CDH6: variants seen among roughly 807,000 people sequenced by gnomAD.
CDH6 encodes cadherin 6, also known as cadherin-6.
A neutral mutation model predicts 78.0 loss-of-function variants in CDH6; 31 were observed. That is an observed-to-expected ratio of 0.40 (90% CI 0.30 to 0.54). The LOEUF (loss-of-function observed/expected upper bound fraction) is 0.54. Among genes scored for constraint, CDH6 ranks in the 20% least tolerant of loss-of-function variants. The pLI is 0.56. For synonymous variants in CDH6, 376 were observed against 368.8 expected (o/e 1.02, Z -0.23); for missense variants, 724 against 975.9 (o/e 0.74, Z 3.44).
At chr5:31,269,290 G>A (rs1037802426) in intron 2 of CDH6, among the ~76,000 whole-genome samples, 1 of 151,420 alleles carries the variant, frequency 6.6e-6, no homozygotes, top group Non-Finnish European at 1.5e-5. Context: ...AAGCGGGGGG[G>A]GCAGGTTATT....
intron 1 of CDH6, among the ~76,000 whole-genome samples, chr5:31,220,802 A>G (rs1046591418): frequency 1.3e-5 from 2 of 152,156 alleles, no homozygotes; most frequent in African/African-American, 4.8e-5. Context: ...AGCCAAGAGA[A>G]AAACTGGGGG....
chr5:31,247,059 T>C (rs1173818668), intron 1 of CDH6, among the ~76,000 whole-genome samples: 1 of 152,198 alleles, frequency 6.6e-6, no homozygotes, highest in African/African-American at 2.4e-5. Flanking sequence ...CCTAAAGACT[T>C]TTTTAATTCC....
intron 1 of CDH6, among the ~76,000 whole-genome samples, chr5:31,211,066 A>G (rs1481481248): frequency 6.6e-6 from 1 of 152,206 alleles, no homozygotes; most frequent in Non-Finnish European, 1.5e-5. Flanking sequence ...CTTTTATTTT[A>G]GCCTGTGTGT....
chr5:31,194,254 T>C (rs2111753992), intron 1 of CDH6, among the ~76,000 whole-genome samples: 1 of 152,280 alleles, frequency 6.6e-6, no homozygotes, highest in East Asian at 1.9e-4. Flanking sequence ...CTCTGGCATT[T>C]GCAAAGTTGG....
At chr5:31,225,651 C>T (rs576419049) in intron 1 of CDH6, among the ~76,000 whole-genome samples, 2 of 151,446 alleles carry the variant, frequency 1.3e-5, no homozygotes, top group South Asian at 4.2e-4. Flanking sequence ...TGAGAACTCA[C>T]TAACTGTCAT....
chr5:31,264,609 T>TA (rs546938772), intron 1 of CDH6, among the ~76,000 whole-genome samples: 69 of 152,254 alleles, frequency 4.5e-4, no homozygotes, highest in African/African-American at 1.1e-3. Flanking sequence ...AGGGGTTTTT[T>TA]AAAAAAACTA....
intron 1 of CDH6, among the ~76,000 whole-genome samples, chr5:31,217,306 C>T (rs1280169440): frequency 6.6e-6 from 1 of 152,084 alleles, no homozygotes; most frequent in Admixed American, 6.6e-5. Flanking sequence ...GCCTAATGCA[C>T]ACATCCATAT....
Position 31,297,362 on chromosome 5 carries a change from C to T in CDH6, c.597C>T (p.Tyr199=). The part of the protein sequence containing the change: ...PTYGNSAKVV[Y]SILQGQPYFS... ...ATGGGAACAGTGCTAAAGTTGTCTACAGTATTCTACAGGGACAGCCCTATT... is the reference window on the plus strand; with the variant it reads ...ATGGGAACAGTGCTAAAGTTGTCTATAGTATTCTACAGGGACAGCCCTATT... Residue 199 remains tyrosine (Y), a synonymous_variant, in exon 4 of 12, where the codon TAC becomes TAT. Coordinates refer to ENST00000265071, the MANE Select transcript of CDH6 (RefSeq NM_004932.4). The T allele has an allele frequency of 1.9e-6, 3 of 1,609,704 alleles. No individual in the cohort carries two copies. The South Asian group carries it at 3.3e-5, about 18-fold the overall frequency.
chr5:31,226,830 G>A (rs1419171996), intron 1 of CDH6, among the ~76,000 whole-genome samples: 1 of 152,150 alleles, frequency 6.6e-6, no homozygotes, highest in African/African-American at 2.4e-5. Context: ...TTTTGAAGAT[G>A]AGACAGTGAA....
rs1302960102 is a variant in CDH6 at position 31,320,747 on chromosome 5, G to A, written c.1883-2071G>A. ...AATCCCAACACTTTGCGAGGCCGAG[G>A]CAGGTGGATCACTTGAGGTCAGGAG... On this transcript the variant is annotated intron_variant, in intron 11 of 11. Transcript: ENST00000265071. 2.0e-5 allele frequency among the ~76,000 whole-genome samples: 3 copies of A among 152,110 alleles called. No homozygotes were observed. The East Asian group carries it at 5.8e-4, about 29-fold the overall frequency.
At chr5:31,218,988 T>A (rs1740937904) in intron 1 of CDH6, among the ~76,000 whole-genome samples, 1 of 152,192 alleles carries the variant, frequency 6.6e-6, no homozygotes, top group Non-Finnish European at 1.5e-5. Context: ...CAGATCATTA[T>A]GCCAAATGTT....
Position 31,316,331 on chromosome 5 carries a change from T to G in CDH6, c.1512+2T>G. On this transcript the variant is annotated splice_donor_variant, in intron 9 of 11. Coordinates refer to ENST00000265071, the MANE Select transcript of CDH6 (RefSeq NM_004932.4). LOFTEE classifies it high-confidence loss of function. ...TGTGAAAAAGCAAAGGCAGATCAGG[T>G]GAGTTTCATTAAAAAGTATATTCAA... The G allele has an allele frequency of 6.2e-7, 1 of 1,605,166 alleles. No homozygotes were observed. Among genetic ancestry groups the G allele is most frequent in the Non-Finnish European group, 8.5e-7 (1 of 1,177,564 alleles).
intron 6 of CDH6, among the ~76,000 whole-genome samples, chr5:31,304,345 C>T (rs1464308672): frequency 1.3e-5 from 2 of 152,058 alleles, no homozygotes; most frequent in Non-Finnish European, 2.9e-5. Context: ...TAATGGTCCA[C>T]GCTGGGGCCA....
At chr5:31,300,787 A>C (rs1737745284) in intron 5 of CDH6, among the ~76,000 whole-genome samples, 1 of 152,192 alleles carries the variant, frequency 6.6e-6, no homozygotes, top group Non-Finnish European at 1.5e-5. Context: ...AGAAGTTAGA[A>C]AGGGGCAGGA....
At chr5:31,231,189 A>G in intron 1 of CDH6, among the ~76,000 whole-genome samples, 1 of 152,196 alleles carries the variant, frequency 6.6e-6, no homozygotes, top group Non-Finnish European at 1.5e-5. Context: ...TCACGATGCA[A>G]TTAAAATTAA....
At chr5:31,285,177 G>A (rs928524652) in intron 2 of CDH6, among the ~76,000 whole-genome samples, 1 of 152,202 alleles carries the variant, frequency 6.6e-6, no homozygotes, top group South Asian at 2.1e-4. Flanking sequence ...CTTACGGGAA[G>A]GAGTGTTTCT....
Position 31,317,868 on chromosome 5 carries a change from C to T in CDH6, c.1826C>T (p.Thr609Met), listed in dbSNP as rs768778721. Residue 609 changes from threonine to methionine, a missense_variant, in exon 11 of 12, where the codon ACG becomes ATG. Thr to Met is a moderately conservative substitution (Grantham distance 81). Transcript: ENST00000265071. The part of the protein sequence containing the change: ...SCHAEALIHP[T>M]GLSTGALVAI... ...CATGCGGAGGCGCTCATCCACCCCA[C>T]GGGACTGAGCACGGGGGCTCTGGTT... is the stretch of plus-strand genomic sequence containing the variant. 22 of 1,613,902 alleles carry T rather than the reference C, an allele frequency of 1.4e-5. No homozygotes were observed. In the Admixed American group the frequency reaches 2.3e-4, roughly 17 times the overall value.
rs1738574633 is a variant in CDH6, at chr5:31,324,596, T to C, written c.*1288T>C. 4.7e-6 allele frequency: 1 copy of C among 211,448 alleles called. No individual in the cohort carries two copies. The highest frequency in any genetic ancestry group is 5.9e-5 in the Admixed American group (1 of 17,018). The allele number at this position is 211,448 out of a possible 1,614,324, so 13.1% of individuals were successfully genotyped here. ...GTTGATTTTCAAAAGCATTAATTTT[T>C]TTTCATTGTTTTTAACTTTGCTTTC... On this transcript the variant is annotated 3_prime_UTR_variant, in exon 12 of 12. Transcript: ENST00000265071.
intron 1 of CDH6, among the ~76,000 whole-genome samples, chr5:31,246,495 G>T (rs1269750371): frequency 2.0e-5 from 3 of 152,230 alleles, no homozygotes; most frequent in East Asian, 1.9e-4. Context: ...TAGAAAGCAG[G>T]GTTTACAGAC....
Sources: allele counts gnomAD v4.1 joint callset (sites outside exome capture counted in the v4.1 genomes callset), GRCh38; gene constraint gnomAD v4.1.1; transcripts MANE v1.5; gene names NCBI Gene and HGNC (gene_info 2026-07-23, HGNC 2026-07-21).